GREB1: variants seen among roughly 807,000 people sequenced by gnomAD.
The protein encoded by GREB1 is growth regulating estrogen receptor binding 1.
Under a neutral mutation model 200.7 loss-of-function variants are expected in GREB1, and 106 were observed. The observed-to-expected ratio is 0.53, with a 90% CI of 0.45 to 0.62. The LOEUF is 0.62. Ranked by LOEUF, GREB1 falls within the 20% of genes least tolerant of loss-of-function variation. The pLI is 0.00. For missense variants in GREB1, 2,243 were observed against 2,556.8 expected, an observed-to-expected ratio of 0.88 and a Z score of 2.65; for synonymous variants, 1,132 against 1,092.4, an observed-to-expected ratio of 1.04 and a Z score of -0.72.
At position 11,629,862 on chromosome 2, in the gene GREB1, C is replaced by T. The variant is rs1227292609; in HGVS notation, c.4450-86C>T. 6.7e-6 allele frequency: 9 copies of T among 1,335,406 alleles called. No homozygotes were observed. In the East Asian group the frequency reaches 9.2e-5, roughly 14 times the overall value. The allele number at this position is 1,335,406 out of a possible 1,614,324, so 82.7% of individuals were successfully genotyped here. A position where few individuals can be genotyped will look rare whatever the true frequency, so the allele number is the denominator to read the frequency against. On this transcript the variant is annotated intron_variant, in intron 25 of 32. Transcript: ENST00000381486. This position sits in a 1 kb window ranked among gnomAD's most constrained non-coding sequence, Gnocchi z 5.2. ...AGGGAAGTGGTGACTGTGAGCTGCA[C>T]GTTGTCACAGCAGAGTGGGCCTGGG... is the stretch of plus-strand genomic sequence containing the variant.
intron 1 of GREB1, among the ~76,000 whole-genome samples, chr2:11,500,704 T>C (rs1339739735): frequency 6.6e-6 from 1 of 152,234 alleles, no homozygotes; most frequent in Non-Finnish European, 1.5e-5. Flanking sequence ...AACGGACTGT[T>C]ACTTACTAGG....
intron 17 of GREB1, among the ~76,000 whole-genome samples, chr2:11,605,841 T>A (rs1682231359): frequency 1.3e-5 from 2 of 152,216 alleles, no homozygotes; most frequent in African/African-American, 4.8e-5. Flanking sequence ...ACTAGTTTGT[T>A]TATTTACTGG....
intron 30 of GREB1, among the ~76,000 whole-genome samples, chr2:11,636,737 AGGGCATGGGCAT>A (rs146748168): frequency 3.6e-5 from 5 of 139,916 alleles, no homozygotes; most frequent in East Asian, 2.2e-4. Flanking sequence ...GGCAGGGGTA[AGGGCATGGGCAT>A]GGGCAGGGGC....
intron 4 of GREB1, among the ~76,000 whole-genome samples, chr2:11,567,066 G>A (rs1450469340): frequency 4.6e-5 from 7 of 152,116 alleles, no homozygotes; most frequent in Admixed American, 3.3e-4. Context: ...CCCTGTATCT[G>A]TTTTCCCCTT....
intron 1 of GREB1, among the ~76,000 whole-genome samples, chr2:11,491,841 A>G (rs1672779983): frequency 6.6e-6 from 1 of 152,056 alleles, no homozygotes; most frequent in Admixed American, 6.5e-5. Flanking sequence ...TCATTGACAT[A>G]TTTGGATGCC....
At chr2:11,556,876 C>A in intron 2 of GREB1, 105 bp downstream of exon 2, 1 of 800,170 alleles carries the variant, frequency 1.2e-6, no homozygotes, top group Non-Finnish European at 1.8e-6. Flanking sequence ...AACGTTGAAT[C>A]TAGCAGAAAA....
At chr2:11,575,938 C>A (rs879412749) in intron 4 of GREB1, among the ~76,000 whole-genome samples, 18 of 152,188 alleles carry the variant, frequency 1.2e-4, no homozygotes, top group Non-Finnish European at 1.8e-4. Context: ...TTGCCCAGGC[C>A]CATCTCTATC....
chr2:11,592,543 T>TA (rs993140959), intron 10 of GREB1, among the ~76,000 whole-genome samples: 10 of 150,620 alleles, frequency 6.6e-5, no homozygotes, highest in Middle Eastern at 3.4e-3. Flanking sequence ...ATCTTATAAT[T>TA]AAAAAAAAAC....
chr2:11,584,678 A>T (rs1434070803), intron 7 of GREB1: 1 of 153,022 alleles, frequency 6.5e-6, no homozygotes, highest in Non-Finnish European at 1.5e-5. Context: ...CACCTTTCAG[A>T]GTAGGATTTA....
intron 7 of GREB1, among the ~76,000 whole-genome samples, chr2:11,582,285 T>C (rs1383283564): frequency 6.6e-6 from 1 of 152,164 alleles, no homozygotes; most frequent in Admixed American, 6.5e-5. Context: ...CTTGCCATGC[T>C]CCGTGGAGGG....
intron 23 of GREB1, among the ~76,000 whole-genome samples, chr2:11,621,752 C>T (rs1012456989): frequency 6.6e-6 from 1 of 152,084 alleles, no homozygotes; most frequent in South Asian, 2.1e-4. Flanking sequence ...GAGATGCTGT[C>T]GATTGTGCTT....
chr2:11,626,987 G>T lies in GREB1; in HGVS notation c.4332G>T (p.Glu1444Asp), dbSNP rs1188638214. 1 of 1,614,186 alleles carries T rather than the reference G, an allele frequency of 6.2e-7. No homozygotes were observed. Among genetic ancestry groups the T allele is most frequent in the Admixed American group, 1.7e-5 (1 of 60,024 alleles). The change falls in exon 25 of 33, where the codon GAG becomes GAT. Residue 1444 changes from glutamate (E) to aspartate (D), a missense_variant. Physicochemically the swap from Glu to Asp is conservative, Grantham distance 45. Transcript: ENST00000381486. ...SEDRGMSRKPEDLYVRRQTAR... is the reference protein window; with the variant it reads ...SEDRGMSRKPDDLYVRRQTAR... ...ACAGAGGGATGTCCCGGAAGCCGGA[G>T]GACCTTTATGTGCGGCGTCAGACGG...
At chr2:11,495,944 TAACGGC>T (rs1224155701) in intron 1 of GREB1, among the ~76,000 whole-genome samples, 1 of 152,064 alleles carries the variant, frequency 6.6e-6, no homozygotes, top group Non-Finnish European at 1.5e-5. Flanking sequence ...GGGACGGACG[TAACGGC>T]AACCCCGTTT....
intron 3 of GREB1, among the ~76,000 whole-genome samples, chr2:11,564,186 G>A (rs960611312): frequency 6.6e-6 from 1 of 152,174 alleles, no homozygotes; most frequent in African/African-American, 2.4e-5. Context: ...GCTTGGAGGA[G>A]TGATGAGACG....
Position 11,548,914 on chromosome 2 carries a change from C to T in GREB1, c.-161-7540C>T, listed in dbSNP as rs1341206624. 6.6e-6 allele frequency among the ~76,000 whole-genome samples: 1 copy of T among 152,136 alleles called. No homozygotes were observed. Among genetic ancestry groups the T allele is most frequent in the Admixed American group, 6.5e-5 (1 of 15,286 alleles). On this transcript the variant is annotated intron_variant, in intron 1 of 32. Transcript: ENST00000381486. The surrounding 1 kb of genome is among the most constrained non-coding windows in gnomAD (Gnocchi z 5.1). Reference sequence around the variant, plus strand: ...GTATTCTAGGTAGGGAAAATTTTCCCTTAAAATTTTCCGGGCATTATTTCA... The same window carrying T: ...GTATTCTAGGTAGGGAAAATTTTCCTTTAAAATTTTCCGGGCATTATTTCA...
chr2:11,595,137 C>T (rs1681094216), intron 11 of GREB1, 114 bp from the exon 12 acceptor site: 2 of 945,470 alleles, frequency 2.1e-6, no homozygotes, highest in Admixed American at 4.6e-5. Flanking sequence ...CTGTTAGCCA[C>T]AGATTCCAGA....
intron 17 of GREB1, among the ~76,000 whole-genome samples, chr2:11,608,800 G>T (rs1682645215): frequency 6.6e-6 from 1 of 152,190 alleles, no homozygotes; most frequent in Non-Finnish European, 1.5e-5. Context: ...TTGGCTTTGG[G>T]TCATTTCCTT....
chr2:11,605,712 G>A (rs1239882679), intron 17 of GREB1, among the ~76,000 whole-genome samples: 1 of 152,072 alleles, frequency 6.6e-6, no homozygotes, highest in Non-Finnish European at 1.5e-5. Flanking sequence ...CTCTGTTTTT[G>A]GCCTGGCATC....
chr2:11,498,143 T>C (rs567945807), intron 1 of GREB1, among the ~76,000 whole-genome samples: 13 of 152,098 alleles, frequency 8.5e-5, no homozygotes, highest in Non-Finnish European at 1.5e-4. Context: ...CTTTTTATTT[T>C]ATGGATTGTA....
Sources: allele counts gnomAD v4.1 joint callset (sites outside exome capture counted in the v4.1 genomes callset), GRCh38; gene constraint gnomAD v4.1.1; non-coding constraint Gnocchi (gnomAD v3.1); transcripts MANE v1.5; gene names NCBI Gene and HGNC (gene_info 2026-07-23, HGNC 2026-07-21).